The following STK32A variants were observed in gnomAD, a reference collection of about 807,000 sequenced individuals.
The protein encoded by STK32A is serine/threonine-protein kinase 32A.
Under a neutral mutation model 53.2 loss-of-function variants are expected in STK32A, and 41 were observed. That is an observed-to-expected ratio of 0.77 (90% CI 0.60 to 1.00). The LOEUF (loss-of-function observed/expected upper bound fraction) is 1.00, where lower values mean the gene tolerates loss of function less well. Among genes scored for constraint, STK32A ranks in the 50% least tolerant of loss-of-function variants. The pLI is 0.00. For missense variants in STK32A, 458 were observed against 485.8 expected (o/e 0.94, Z 0.54); for synonymous variants, 166 against 162.8 (o/e 1.02, Z -0.15).
chr5:147,377,700 G>A (rs1757286231), intron 11 of STK32A, among the ~76,000 whole-genome samples: 1 of 152,130 alleles, frequency 6.6e-6, no homozygotes, highest in South Asian at 2.1e-4. Flanking sequence ...CCTGTGCTCA[G>A]CTAATGTTTT....
rs144620959 is a variant in STK32A, at chr5:147,269,671, A to T, written c.53-8453A>T. 2.6e-4 allele frequency among the ~76,000 whole-genome samples: 40 copies of T among 152,266 alleles called. No homozygotes were observed. The East Asian group carries it at 6.6e-3, about 25-fold the overall frequency. On this transcript the variant is annotated intron_variant, in intron 2 of 12. Coordinates refer to ENST00000397936, the MANE Select transcript of STK32A (RefSeq NM_001112724.2). ...GGGGAATTTATCTTATTTGGGTCTT[A>T]TCTTGGAATTTATCTTATCTTGAAC...
At chr5:147,253,497 T>C (rs1032652464) in intron 2 of STK32A, among the ~76,000 whole-genome samples, 2 of 152,158 alleles carry the variant, frequency 1.3e-5, no homozygotes, top group Non-Finnish European at 2.9e-5. Context: ...TCTTTTTCTG[T>C]ACGCACTACC....
chr5:147,366,563 T>A (rs867392676), intron 8 of STK32A, among the ~76,000 whole-genome samples: 45 of 152,346 alleles, frequency 3.0e-4, no homozygotes, highest in African/African-American at 1.0e-3. Flanking sequence ...GACCTCCCTA[T>A]CTAAAGTGAT....
chr5:147,343,248 A>G lies in STK32A; in HGVS notation c.472+205A>G, dbSNP rs147647218. On this transcript the variant is annotated intron_variant, in intron 6 of 12. Transcript: ENST00000397936. Reference sequence around the variant, plus strand: ...ACAATACACCCTTAAATCACATTGAATTTACCTAATGAGAAAATCATAGTC... The same window carrying G: ...ACAATACACCCTTAAATCACATTGAGTTTACCTAATGAGAAAATCATAGTC... 1.5e-5 allele frequency: 11 copies of G among 745,590 alleles called. No homozygotes were observed. In the Admixed American group the frequency reaches 1.9e-4, roughly 13 times the overall value. The allele number at this position is 745,590 out of a possible 1,614,324, so 46.2% of individuals were successfully genotyped here.
chr5:147,270,828 T>G (rs1335269652), intron 2 of STK32A, among the ~76,000 whole-genome samples: 1 of 152,196 alleles, frequency 6.6e-6, no homozygotes, highest in Non-Finnish European at 1.5e-5. Flanking sequence ...TTATATGTTT[T>G]TGGTATCAAG....
At chr5:147,325,891 G>A (rs1184323928) in intron 5 of STK32A, among the ~76,000 whole-genome samples, 2 of 152,138 alleles carry the variant, frequency 1.3e-5, no homozygotes, top group Admixed American at 6.6e-5. Flanking sequence ...GCCTATCTTG[G>A]TTGTGACATC....
At position 147,292,754 on chromosome 5, in the gene STK32A, G is replaced by A. The variant is rs144190947; in HGVS notation, c.260+13356G>A. 5.2e-3 allele frequency among the ~76,000 whole-genome samples: 786 copies of A among 152,172 alleles called. 9 individuals carry two copies. The highest frequency in any genetic ancestry group is 0.018 in the African/African-American group (736 of 41,510). ...CACATGCCTGTAATCCCAGCTACTC[G>A]GGAGGCTGAGGCAGAAGAATTGCTT... On this transcript the variant is annotated intron_variant, in intron 4 of 12. Transcript: ENST00000397936.
intron 5 of STK32A, among the ~76,000 whole-genome samples, chr5:147,327,896 A>C (rs577735106): frequency 6.6e-6 from 1 of 152,338 alleles, no homozygotes; most frequent in South Asian, 2.1e-4. Context: ...AGGCACCCAC[A>C]GACGAAAGTG....
Position 147,375,236 on chromosome 5 carries a change from A to G in STK32A, c.1032+18A>G, listed in dbSNP as rs906721312. On this transcript the variant is annotated intron_variant, in intron 11 of 12. Transcript: ENST00000397936. ...CTTCTCAGGTAAGCAGGTCCCCACC[A>G]AACTCAGGGTCATGGGTATCCCCAT... The G allele has an allele frequency of 1.9e-6, 3 of 1,608,628 alleles. No homozygotes were observed. Among genetic ancestry groups the G allele is most frequent in the Non-Finnish European group, 2.5e-6 (3 of 1,177,736 alleles).
In STK32A at chr5:147,353,760, AAAG is replaced by A. The variant is rs532762618; in HGVS notation, c.562+2609_562+2611del. ...GGCGACAGAGTGAGACTCCATCTCA[AAAG>A]AAAAAACAAACAACAACAACAACAA... On this transcript the variant is annotated intron_variant, in intron 7 of 12. Coordinates refer to ENST00000397936, the MANE Select transcript of STK32A (RefSeq NM_001112724.2). Among the ~76,000 whole-genome samples the A allele has an allele frequency of 2.4e-3, 360 of 152,226 alleles. 2 individuals carry two copies. The highest frequency in any genetic ancestry group is 3.6e-3 in the Non-Finnish European group (247 of 68,010).
intron 6 of STK32A, among the ~76,000 whole-genome samples, chr5:147,345,066 C>G (rs1306844441): frequency 6.6e-6 from 1 of 152,184 alleles, no homozygotes; most frequent in East Asian, 1.9e-4. Context: ...AGAGACTACC[C>G]TTGTGAAAGA....
At chr5:147,387,872 T>G (rs564931248), downstream of STK32A, 1 of 152,320 alleles carries the variant, frequency 6.6e-6, no homozygotes, top group Admixed American at 6.5e-5. Flanking sequence ...GACCCTTCTT[T>G]GTCAGCTGTG....
At chr5:147,268,822 G>T (rs1404028659) in intron 2 of STK32A, among the ~76,000 whole-genome samples, 1 of 152,184 alleles carries the variant, frequency 6.6e-6, no homozygotes, top group Non-Finnish European at 1.5e-5. Context: ...GACAGCAAGT[G>T]GTTGATGGGA....
rs1227484598 is a variant in STK32A at position 147,384,045 on chromosome 5, G to C, written c.*62G>C. 2 of 1,551,104 alleles carry C rather than the reference G, an allele frequency of 1.3e-6. No homozygotes were observed. Among genetic ancestry groups the C allele is most frequent in the Non-Finnish European group, 1.7e-6 (2 of 1,156,658 alleles). Reference sequence around the variant, plus strand: ...AGAAACTTCTAATTACATATGTCAAGAAAAGCTGACAGTAGTTCTTGCCAC... The same window carrying C: ...AGAAACTTCTAATTACATATGTCAACAAAAGCTGACAGTAGTTCTTGCCAC... On this transcript the variant is annotated 3_prime_UTR_variant, in exon 13 of 13. Coordinates refer to ENST00000397936, the MANE Select transcript of STK32A (RefSeq NM_001112724.2).
chr5:147,293,998 A>T (rs1367276396), intron 4 of STK32A, among the ~76,000 whole-genome samples: 1 of 152,220 alleles, frequency 6.6e-6, no homozygotes, highest in Admixed American at 6.5e-5. Context: ...CTTTGACTGC[A>T]GAAGATAAGA....
At chr5:147,268,898 A>G (rs1754917734) in intron 2 of STK32A, among the ~76,000 whole-genome samples, 2 of 152,188 alleles carry the variant, frequency 1.3e-5, no homozygotes, top group Non-Finnish European at 2.9e-5. Context: ...AAGCAGAAAT[A>G]TGAACATTGT....
intron 4 of STK32A, among the ~76,000 whole-genome samples, chr5:147,305,315 G>A (rs1015729775): frequency 1.3e-5 from 2 of 152,120 alleles, no homozygotes; most frequent in Non-Finnish European, 2.9e-5. Context: ...GTTACCACAC[G>A]GAAACTGAAG....
At chr5:147,345,159 GC>G (rs1477276061) in intron 6 of STK32A, among the ~76,000 whole-genome samples, 1 of 152,106 alleles carries the variant, frequency 6.6e-6, no homozygotes, top group Non-Finnish European at 1.5e-5. Flanking sequence ...TCATTTCCTA[GC>G]CCCGAGAGCT....
chr5:147,361,408 A>T (rs1384325862), intron 7 of STK32A, 109 bp from the exon 8 acceptor site: 2 of 761,264 alleles, frequency 2.6e-6, no homozygotes, highest in Non-Finnish European at 4.6e-6. Flanking sequence ...CATCCATAAA[A>T]GTGTTTATAT....
Sources: gnomAD v4.1 joint callset for allele counts (sites outside exome capture counted in the v4.1 genomes callset) on GRCh38, gnomAD v4.1.1 for gene constraint, MANE v1.5 for transcripts, NCBI Gene and HGNC (gene_info 2026-07-23, HGNC 2026-07-21) for gene names.